The following LIMCH1 variants were observed in gnomAD, a reference collection of about 807,000 sequenced individuals.
The protein encoded by LIMCH1 is LIM and calponin homology domains 1, also known as LIM and calponin homology domains-containing protein 1.
Under a neutral mutation model 176.5 loss-of-function variants are expected in LIMCH1, and 113 were observed. That is an observed-to-expected ratio of 0.64 (90% CI 0.55 to 0.75). The LOEUF is 0.75. LIMCH1 is among the 30% of genes least tolerant of loss of function. LIMCH1 has a pLI of 0.00. For missense variants in LIMCH1, 1,674 were observed against 1,814.9 expected, an observed-to-expected ratio of 0.92 and a Z score of 1.41; for synonymous variants, 619 against 645.9, an observed-to-expected ratio of 0.96 and a Z score of 0.63.
intron 3 of LIMCH1, among the ~76,000 whole-genome samples, chr4:41,524,872 T>A (rs1283566811): frequency 6.6e-6 from 1 of 152,202 alleles, no homozygotes; most frequent in African/African-American, 2.4e-5. Flanking sequence ...GAGAAAACAG[T>A]CGTTTTATAA....
At chr4:41,432,563 T>C (rs1311810271) in intron 1 of LIMCH1, among the ~76,000 whole-genome samples, 1 of 152,210 alleles carries the variant, frequency 6.6e-6, no homozygotes, top group Non-Finnish European at 1.5e-5. Context: ...CTCAATAAAT[T>C]GTCCTAGCAA....
At chr4:41,597,293 C>G (rs1218335146) in intron 1 of LIMCH1, among the ~76,000 whole-genome samples, 1 of 152,052 alleles carries the variant, frequency 6.6e-6, no homozygotes, top group Non-Finnish European at 1.5e-5. Flanking sequence ...TTAGATCACT[C>G]ATCTGCCAAA....
At chr4:41,633,487 C>G (rs1051215923) in intron 12 of LIMCH1, 61 bp from the exon 13 acceptor site, 3 of 1,510,344 alleles carry the variant, frequency 2.0e-6, no homozygotes, top group East Asian at 4.9e-5. Context: ...GTGAGTGACA[C>G]TACTGAAAAT....
intron 1 of LIMCH1, among the ~76,000 whole-genome samples, chr4:41,466,909 A>G (rs796456884): frequency 2.8e-4 from 43 of 152,248 alleles, no homozygotes; most frequent in African/African-American, 9.9e-4. Flanking sequence ...CTCTGTACCC[A>G]TTAAGCAGTA....
At chr4:41,498,369 T>A (rs182697767) in intron 2 of LIMCH1, among the ~76,000 whole-genome samples, 1 of 152,330 alleles carries the variant, frequency 6.6e-6, no homozygotes, top group East Asian at 1.9e-4. Flanking sequence ...GGAATACTAA[T>A]ACATAAATGT....
chr4:41,392,914 C>T (rs1581443277), intron 1 of LIMCH1, among the ~76,000 whole-genome samples: 1 of 152,162 alleles, frequency 6.6e-6, no homozygotes, highest in East Asian at 1.9e-4. Context: ...TGCCTATAGT[C>T]TCAGCTACTT....
intron 1 of LIMCH1, among the ~76,000 whole-genome samples, chr4:41,560,178 C>G (rs1459817287): frequency 2.6e-5 from 4 of 152,128 alleles, no homozygotes; most frequent in Admixed American, 6.6e-5. Context: ...TGGAAGTGTT[C>G]CCAGCACTCA....
chr4:41,490,332 GATGTGGC>G (rs957229647), intron 1 of LIMCH1, among the ~76,000 whole-genome samples: 6 of 150,458 alleles, frequency 4.0e-5, no homozygotes, highest in East Asian at 1.9e-4. Context: ...CAGAGAGGGG[GATGTGGC>G]AGGGTCATAG....
intron 13 of LIMCH1, among the ~76,000 whole-genome samples, chr4:41,635,558 T>C (rs2093544691): frequency 1.3e-5 from 2 of 152,158 alleles, no homozygotes; most frequent in Non-Finnish European, 2.9e-5. Context: ...GAAAGATTCC[T>C]CTTTATTTTC....
At chr4:41,423,493 G>T (rs1490078505) in intron 1 of LIMCH1, among the ~76,000 whole-genome samples, 1 of 151,958 alleles carries the variant, frequency 6.6e-6, no homozygotes, top group African/African-American at 2.4e-5. Context: ...ACTGCTAGCA[G>T]ATGGATTTGA....
chr4:41,363,870 G>A (rs1209832538), intron 1 of LIMCH1, among the ~76,000 whole-genome samples: 4 of 152,218 alleles, frequency 2.6e-5, no homozygotes, highest in African/African-American at 9.6e-5. Flanking sequence ...GACTCCTAGA[G>A]GAGACAGCAA....
At chr4:41,426,621 C>A (rs977457140) in intron 1 of LIMCH1, among the ~76,000 whole-genome samples, 8 of 152,270 alleles carry the variant, frequency 5.3e-5, no homozygotes, top group Admixed American at 1.3e-4. Context: ...TGTAAAGAGT[C>A]CAATATATAC....
At chr4:41,468,352 C>CCTCCCTCCCTCCCCCTCCTAT (rs2066458245) in intron 1 of LIMCH1, among the ~76,000 whole-genome samples, 1 of 18,234 alleles carries the variant, frequency 5.5e-5, no homozygotes, top group African/African-American at 9.7e-5. Flanking sequence ...CCCTCCTCCT[C>CCTCCCTCCCTCCCCCTCCTAT]CTCCCTCCCT....
Position 41,642,935 on chromosome 4 carries a change from A to T in LIMCH1, c.2127-1565A>T, listed in dbSNP as rs1405413697. Among the ~76,000 whole-genome samples the T allele has an allele frequency of 4.6e-5, 7 of 152,156 alleles. No individual in the cohort carries two copies. In the East Asian group the frequency reaches 1.2e-3, roughly 25 times the overall value. On this transcript the variant is annotated intron_variant, in intron 14 of 31. Transcript: ENST00000503057. The stretch of plus-strand genomic sequence containing the variant: ...GAAATCAACATTCTCCACTGAATAC[A>T]TGGAGGCAGCATTATGCAATGGCTT...
upstream of LIMCH1, among the ~76,000 whole-genome samples, chr4:41,534,700 A>ATTTTTTTT (rs139513362): frequency 6.6e-6 from 1 of 150,636 alleles, no homozygotes; most frequent in Non-Finnish European, 1.5e-5. Context: ...ATGAAGACAT[A>ATTTTTTTT]TTTTTTTTTT....
intron 1 of LIMCH1, among the ~76,000 whole-genome samples, chr4:41,582,493 T>G (rs992303464): frequency 2.6e-5 from 4 of 152,166 alleles, no homozygotes; most frequent in Non-Finnish European, 5.9e-5. Context: ...GTGCCTAAAT[T>G]TATAGACCTG....
chr4:41,516,729 G>A (rs1260836488), intron 2 of LIMCH1, among the ~76,000 whole-genome samples: 5 of 152,172 alleles, frequency 3.3e-5, no homozygotes, highest in Admixed American at 6.5e-5. Context: ...TATTAAGAGG[G>A]ATGTGATAGG....
At chr4:41,683,192 A>C (rs1717708158) in intron 26 of LIMCH1, among the ~76,000 whole-genome samples, 1 of 152,156 alleles carries the variant, frequency 6.6e-6, no homozygotes, top group Admixed American at 6.5e-5. Flanking sequence ...CTGAGCTGTA[A>C]GAAATCATGT....
chr4:41,458,196 C>A (rs2154151273), intron 1 of LIMCH1, among the ~76,000 whole-genome samples: 1 of 152,228 alleles, frequency 6.6e-6, no homozygotes, highest in East Asian at 1.9e-4. Context: ...TGCATAGTAT[C>A]TCACTCGATG....
Sources: gnomAD v4.1 joint callset for allele counts (sites outside exome capture counted in the v4.1 genomes callset) on GRCh38, gnomAD v4.1.1 for gene constraint, MANE v1.5 for transcripts, NCBI Gene and HGNC (gene_info 2026-07-23, HGNC 2026-07-21) for gene names.